Variants in AJAP1 observed in about 807,000 individuals in gnomAD.
AJAP1 encodes adherens junction-associated protein 1.
Under a neutral mutation model 35.0 loss-of-function variants are expected in AJAP1, and 5 were observed. That is an observed-to-expected ratio of 0.14 (90% CI 0.07 to 0.30). The LOEUF is 0.30. Among genes scored for constraint, AJAP1 ranks in the 10% least tolerant of loss-of-function variants. The pLI, the probability that AJAP1 is intolerant of heterozygous loss-of-function variation, is 1.00. For synonymous variants in AJAP1, 284 were observed against 249.3 expected (o/e 1.14, Z -1.31); for missense variants, 586 against 571.0 (o/e 1.03, Z -0.27).
intron 2 of AJAP1, 60 bp downstream of exon 2, chr1:4,712,759 CG>C (rs1041009956): frequency 1.4e-6 from 2 of 1,454,492 alleles, no homozygotes; most frequent in Non-Finnish European, 1.8e-6. Flanking sequence ...GAGCGTGACT[CG>C]GGAGAGATGC....
At chr1:4,780,527 C>T (rs1642037479) in intron 5 of AJAP1, among the ~76,000 whole-genome samples, 2 of 152,154 alleles carry the variant, frequency 1.3e-5, no homozygotes, top group Admixed American at 1.3e-4. Flanking sequence ...AAGAGGTGGG[C>T]AGGGGTGGGG....
chr1:4,740,102 C>T (rs1473501233), intron 2 of AJAP1, among the ~76,000 whole-genome samples: 1 of 152,064 alleles, frequency 6.6e-6, no homozygotes, highest in Non-Finnish European at 1.5e-5. Context: ...TATTCGAAGT[C>T]ACACCTCCCA....
intron 2 of AJAP1, among the ~76,000 whole-genome samples, chr1:4,740,276 C>G (rs981573031): frequency 7.3e-5 from 7 of 95,940 alleles, no homozygotes; most frequent in African/African-American, 2.9e-4. Flanking sequence ...AGGACAAACT[C>G]TGTCAGATTC....
intron 2 of AJAP1, among the ~76,000 whole-genome samples, chr1:4,761,405 C>G (rs940059541): frequency 6.6e-6 from 1 of 152,154 alleles, no homozygotes; most frequent in Non-Finnish European, 1.5e-5. Context: ...ACAAAGAAAC[C>G]CATGGGTGAC....
At chr1:4,774,184 G>C (rs553839231) in intron 4 of AJAP1, among the ~76,000 whole-genome samples, 1 of 152,204 alleles carries the variant, frequency 6.6e-6, no homozygotes, top group Admixed American at 6.5e-5. Context: ...CAAAGTGCTC[G>C]TGTGCCCAGA....
intron 1 of AJAP1, among the ~76,000 whole-genome samples, chr1:4,689,932 T>C (rs918470593): frequency 2.0e-5 from 3 of 151,190 alleles, no homozygotes; most frequent in Non-Finnish European, 4.4e-5. Context: ...AGAAAAGGGG[T>C]GACTGTCCCT....
chr1:4,727,329 T>C (rs1299300603), intron 2 of AJAP1, among the ~76,000 whole-genome samples: 1 of 152,150 alleles, frequency 6.6e-6, no homozygotes, highest in Non-Finnish European at 1.5e-5. Flanking sequence ...CCACCTTCCC[T>C]GTGTTTCAGG....
At chr1:4,735,245 A>G (rs1440390106) in intron 2 of AJAP1, among the ~76,000 whole-genome samples, 1 of 152,248 alleles carries the variant, frequency 6.6e-6, no homozygotes, top group Admixed American at 6.5e-5. Flanking sequence ...AAGTCACTTC[A>G]AAAGCTGGTC....
At position 4,655,051 on chromosome 1, in the gene AJAP1, C is replaced by T. The variant is rs540895618; in HGVS notation, c.-375C>T. 6.7e-4 allele frequency: 101 copies of T among 150,954 alleles called. No individual in the cohort carries two copies. The highest frequency in any genetic ancestry group is 2.3e-3 in the African/African-American group (97 of 41,454). 9.4% of individuals were successfully genotyped at this position (150,954 alleles called of 1,614,324 possible). ...GCGCCGCCGGCCTCCCTCCTCGCCG[C>T]CCCGGAGGGCGAAGCCGCGGCTCCC... On this transcript the variant is annotated 5_prime_UTR_variant, in exon 1 of 6. Transcript: ENST00000378191. This position sits in a 1 kb window ranked among gnomAD's most constrained non-coding sequence, Gnocchi z 6.9.
intron 2 of AJAP1, among the ~76,000 whole-genome samples, chr1:4,739,361 T>A (rs374589365): frequency 6.6e-6 from 1 of 152,204 alleles, no homozygotes; most frequent in East Asian, 1.9e-4. Context: ...ACATCTCCCG[T>A]CTGTCGGCAG....
chr1:4,664,043 G>A (rs1011732547), intron 1 of AJAP1, among the ~76,000 whole-genome samples: 20 of 152,114 alleles, frequency 1.3e-4, no homozygotes, highest in Admixed American at 3.3e-4. Flanking sequence ...TTCTATGCCC[G>A]TGCCGTATCT....
At chr1:4,703,309 G>A (rs1640030039) in intron 1 of AJAP1, among the ~76,000 whole-genome samples, 1 of 152,136 alleles carries the variant, frequency 6.6e-6, no homozygotes, top group Non-Finnish European at 1.5e-5. Context: ...GAGACTGGGG[G>A]ATGGCCATGT....
chr1:4,735,719 C>A (rs1640906747), intron 2 of AJAP1, among the ~76,000 whole-genome samples: 1 of 152,168 alleles, frequency 6.6e-6, no homozygotes, highest in African/African-American at 2.4e-5. Flanking sequence ...TGGCTTGACT[C>A]ATGCAGTGCA....
chr1:4,783,947 G>C lies in AJAP1; in HGVS notation c.*1462G>C, dbSNP rs573295685. ...CCTGTGCTGCATTGCCTTCCCTTGC[G>C]CAGGTGGGCAGGTGTGGCCCGCTTT... On this transcript the variant is annotated 3_prime_UTR_variant, in exon 6 of 6. Coordinates refer to ENST00000378191, the MANE Select transcript of AJAP1 (RefSeq NM_018836.4). The C allele has an allele frequency of 6.6e-6, 1 of 152,176 alleles. No individual in the cohort carries two copies. Among genetic ancestry groups the C allele is most frequent in the Admixed American group, 6.5e-5 (1 of 15,278 alleles). 9.4% of individuals were successfully genotyped at this position (152,176 alleles called of 1,614,324 possible).
intron 2 of AJAP1, among the ~76,000 whole-genome samples, chr1:4,746,033 G>A (rs1316727107): frequency 6.6e-6 from 1 of 152,164 alleles, no homozygotes; most frequent in African/African-American, 2.4e-5. Flanking sequence ...TCGCACATGG[G>A]TGATTTAAAA....
chr1:4,706,865 G>T (rs902222257), intron 1 of AJAP1, among the ~76,000 whole-genome samples: 34 of 152,316 alleles, frequency 2.2e-4, no homozygotes, highest in African/African-American at 7.7e-4. Flanking sequence ...TTAAAAGGAA[G>T]AGAAGCAAGA....
chr1:4,774,537 G>A lies in AJAP1; in HGVS notation c.*38G>A, dbSNP rs368597315. 3 of 1,588,846 alleles carry A rather than the reference G, an allele frequency of 1.9e-6. No homozygotes were observed. In the African/African-American group the frequency reaches 4.0e-5, roughly 21 times the overall value. ...TTTTTTACCTCCTGGGGGCAGGGCAGACGCCGTGTGTCTGTTTCACGGTAG... is the reference window on the plus strand; with the variant it reads ...TTTTTTACCTCCTGGGGGCAGGGCAAACGCCGTGTGTCTGTTTCACGGTAG... On this transcript the variant is annotated 3_prime_UTR_variant, in exon 5 of 6. Transcript: ENST00000378191.
rs891385017 is a variant in AJAP1, at chr1:4,692,106, G to A, written c.30-19794G>A. Among the ~76,000 whole-genome samples, 2 of 152,112 alleles carry A rather than the reference G, an allele frequency of 1.3e-5. No homozygotes were observed. The highest frequency in any genetic ancestry group is 2.9e-5 in the Non-Finnish European group (2 of 68,006). Reference sequence around the variant, plus strand: ...TGGCAGGTGGCATGGCGCCCGGCCGGCCCTGCGTGGATCTATTATCTCTGC... The same window carrying A: ...TGGCAGGTGGCATGGCGCCCGGCCGACCCTGCGTGGATCTATTATCTCTGC... On this transcript the variant is annotated intron_variant, in intron 1 of 5. Coordinates refer to ENST00000378191, the MANE Select transcript of AJAP1 (RefSeq NM_018836.4). The surrounding 1 kb of genome is among the most constrained non-coding windows in gnomAD (Gnocchi z 4.4).
intron 2 of AJAP1, among the ~76,000 whole-genome samples, chr1:4,740,374 A>C (rs1641029792): frequency 6.6e-6 from 1 of 150,866 alleles, no homozygotes; most frequent in East Asian, 2.0e-4. Flanking sequence ...GGGGATGGGG[A>C]GTGAGTGTTG....
Sources: gnomAD v4.1 joint callset for allele counts (sites outside exome capture counted in the v4.1 genomes callset) on GRCh38, gnomAD v4.1.1 for gene constraint, Gnocchi (gnomAD v3.1) non-coding constraint, MANE v1.5 for transcripts, NCBI Gene and HGNC (gene_info 2026-07-23, HGNC 2026-07-21) for gene names.